Variants in BPIFB4 observed in about 807,000 individuals in gnomAD.
The protein encoded by BPIFB4 is BPI fold containing family B member 4.
A neutral mutation model predicts 69.2 loss-of-function variants in BPIFB4; 62 were observed. The observed-to-expected ratio is 0.90, with a 90% confidence interval of 0.73 to 1.11. The LOEUF (loss-of-function observed/expected upper bound fraction) is 1.11, where lower values mean the gene tolerates loss of function less well. BPIFB4 is among the 50% of genes least tolerant of loss of function. The probability of loss-of-function intolerance (pLI) is 0.00; values close to 1 mark genes in which losing one functional copy is unlikely to be tolerated. For missense variants in BPIFB4, 789 were observed against 792.0 expected (o/e 1.00, Z 0.04); for synonymous variants, 330 against 332.7 (o/e 0.99, Z 0.09).
At position 33,100,460 on chromosome 20, in the gene BPIFB4, G is replaced by A. The variant is rs1163905459; in HGVS notation, c.1604G>A (p.Gly535Glu). Reference protein sequence around the residue: ...TEFLASFSTEGDKLMIDAKLE... With the variant: ...TEFLASFSTEEDKLMIDAKLE... The stretch of plus-strand genomic sequence containing the variant: ...TTCTTGGCCTCATTTTCCACAGAAG[G>A]AGATAAGCTCATGATTGATGCCAAG... Residue 535 changes from glycine to glutamate, a missense_variant, in exon 14 of 18, where the codon GGA becomes GAA. Gly to Glu is a moderately conservative substitution (Grantham distance 98, BLOSUM62 -2). This residue lies in a region of BPIFB4 where 170 missense variants were observed against 193.6 expected (regional missense o/e 0.88). Transcript: ENST00000375483. The A allele has an allele frequency of 1.2e-6, 2 of 1,607,970 alleles. No individual in the cohort carries two copies. The highest frequency in any genetic ancestry group is 1.1e-5 in the South Asian group (1 of 90,930).
At chr20:33,094,734 C>T (rs1482423003) in intron 11 of BPIFB4, among the ~76,000 whole-genome samples, 1 of 152,190 alleles carries the variant, frequency 6.6e-6, no homozygotes, top group African/African-American at 2.4e-5. Flanking sequence ...TCTCAAACTC[C>T]TGATCTGAAG....
chr20:33,106,389 T>TTTTTC, intron 16 of BPIFB4, among the ~76,000 whole-genome samples: 1 of 150,672 alleles, frequency 6.6e-6, no homozygotes, highest in Non-Finnish European at 1.5e-5. Context: ...TTTTTTTTTT[T>TTTTTC]TGAGATGGAG....
In BPIFB4 at chr20:33,084,974, C is replaced by A. The variant is rs763890373; in HGVS notation, c.760C>A (p.Arg254Ser). 6.2e-7 allele frequency: 1 copy of A among 1,612,138 alleles called. No homozygotes were observed. The highest frequency in any genetic ancestry group is 1.7e-5 in the Admixed American group (1 of 60,022). The change falls in exon 6 of 18, where the codon CGT becomes AGT. Residue 254 changes from arginine to serine, a missense_variant. Transcript: ENST00000375483. ...GVGVYLSLYT[R>S]VAINGKSLIG... ...GGGTGTCTACCTGAGCTTGTACACCCGTGTGGCCATCAACGGGAAGAGGTG... is the reference window on the plus strand; with the variant it reads ...GGGTGTCTACCTGAGCTTGTACACCAGTGTGGCCATCAACGGGAAGAGGTG...
Position 33,083,360 on chromosome 20 carries a change from C to G in BPIFB4, c.170-7C>G. On this transcript the variant is annotated splice_region_variant and splice_polypyrimidine_tract_variant and intron_variant, in intron 4 of 17. Coordinates refer to ENST00000375483, the MANE Select transcript of BPIFB4 (RefSeq NM_182519.3). ...CAATGACTACAGACGCATTGAATTCCCCCGAGGTGTTGGTGATATTCCCTA... is the reference window on the plus strand; with the variant it reads ...CAATGACTACAGACGCATTGAATTCGCCCGAGGTGTTGGTGATATTCCCTA... The G allele has an allele frequency of 6.2e-7, 1 of 1,610,700 alleles. No individual in the cohort carries two copies. Among genetic ancestry groups the G allele is most frequent in the Non-Finnish European group, 8.5e-7 (1 of 1,177,770 alleles).
At chr20:33,107,563 G>A (rs1387403943) in intron 16 of BPIFB4, among the ~76,000 whole-genome samples, 181 bp from the exon 17 acceptor site, 1 of 152,196 alleles carries the variant, frequency 6.6e-6, no homozygotes, top group Non-Finnish European at 1.5e-5. Context: ...TTGAACCTGG[G>A]AGGTGGAGGT....
At chr20:33,098,235 A>G (rs1981811379) in intron 13 of BPIFB4, among the ~76,000 whole-genome samples, 1 of 152,054 alleles carries the variant, frequency 6.6e-6, no homozygotes, top group Non-Finnish European at 1.5e-5. Context: ...TATTATTCTC[A>G]CAGGTTGCCT....
At chr20:33,085,190 C>T (rs952952007) in intron 6 of BPIFB4, among the ~76,000 whole-genome samples, 194 bp downstream of exon 6, 1 of 152,004 alleles carries the variant, frequency 6.6e-6, no homozygotes, top group Admixed American at 6.5e-5. Context: ...AGTGGTGGCT[C>T]ATGCCTGTCA....
Position 33,089,482 on chromosome 20 carries a change from C to T in BPIFB4, c.991-16C>T, listed in dbSNP as rs763870671. The T allele has an allele frequency of 1.2e-6, 2 of 1,614,238 alleles. No homozygotes were observed. The highest frequency in any genetic ancestry group is 1.1e-5 in the South Asian group (1 of 91,088). ...CTGCAGCGTCAACAAGGCTTTGTGC[C>T]ATTTCTCCCCTGCAGCTCTGCCCCA... is the stretch of plus-strand genomic sequence containing the variant. On this transcript the variant is annotated splice_polypyrimidine_tract_variant and intron_variant, in intron 8 of 17. Coordinates refer to ENST00000375483, the MANE Select transcript of BPIFB4 (RefSeq NM_182519.3).
intron 14 of BPIFB4, among the ~76,000 whole-genome samples, chr20:33,102,399 C>T (rs1981931630): frequency 6.6e-6 from 1 of 152,224 alleles, no homozygotes; most frequent in African/African-American, 2.4e-5. Context: ...TCAGGTGCAG[C>T]AAGACGGAGG....
intron 4 of BPIFB4, 83 bp from the exon 5 acceptor site, chr20:33,083,284 G>C: frequency 2.5e-6 from 3 of 1,187,828 alleles, no homozygotes; most frequent in East Asian, 7.0e-5. Flanking sequence ...GTAGAGGGGG[G>C]CTGCTGGGTG....
intron 9 of BPIFB4, among the ~76,000 whole-genome samples, chr20:33,090,233 G>C (rs1447629612): frequency 6.6e-6 from 1 of 152,260 alleles, no homozygotes; most frequent in Non-Finnish European, 1.5e-5. Flanking sequence ...TAGGCAGTTT[G>C]AGAATGGCTT....
At chr20:33,099,260 T>A (rs145690862) in intron 13 of BPIFB4, among the ~76,000 whole-genome samples, 48 of 152,248 alleles carry the variant, frequency 3.2e-4, no homozygotes, top group African/African-American at 1.1e-3. Context: ...GGGAATTAGG[T>A]GCTCTAGGCT....
In BPIFB4 at chr20:33,095,148, C is replaced by T. The variant is rs1981721366; in HGVS notation, c.1393C>T (p.Pro465Ser). The T allele has an allele frequency of 6.2e-7, 1 of 1,609,358 alleles. No homozygotes were observed. Among genetic ancestry groups the T allele is most frequent in the Non-Finnish European group, 8.5e-7 (1 of 1,175,668 alleles). Residue 465 changes from proline to serine, a missense_variant, in exon 12 of 18, where the codon CCC (proline) becomes TCC (serine). Around this residue, in one of 3 missense-constraint regions of BPIFB4, gnomAD observed 170 missense variants for 193.6 expected, o/e 0.88. Coordinates refer to ENST00000375483, the MANE Select transcript of BPIFB4 (RefSeq NM_182519.3). The stretch of plus-strand genomic sequence containing the variant: ...CACAGCCACACTGGGAGCCCTGATC[C>T]CCAAGGTATGTAAGGTGGGCAGGTC... ...LTTATLGALIPKVFQQYPESC... is the reference protein window; with the variant it reads ...LTTATLGALISKVFQQYPESC...
At chr20:33,081,467 T>G (rs1600550914) in intron 2 of BPIFB4, 45 bp from the exon 3 acceptor site, 2 of 1,541,174 alleles carry the variant, frequency 1.3e-6, no homozygotes. Flanking sequence ...CTGGCCAGGG[T>G]GGTGGCGCCC....
intron 1 of BPIFB4, among the ~76,000 whole-genome samples, chr20:33,080,143 A>G (rs952354364): frequency 2.0e-5 from 3 of 152,200 alleles, no homozygotes; most frequent in Admixed American, 6.5e-5. Flanking sequence ...GTGTAAATGA[A>G]TGCCTCTAAT....
In BPIFB4 at chr20:33,089,561, A is replaced by G. The variant is rs1981536789; in HGVS notation, c.1051+3A>G. 2 of 1,614,188 alleles carry G rather than the reference A, an allele frequency of 1.2e-6. No homozygotes were observed. The highest frequency in any genetic ancestry group is 1.3e-5 in the African/African-American group (1 of 75,040). ...TGACCAGCTGGGCCTCGTGGATTGTAAGTCCAATACACTTTCTCCAGCCTG... is the reference window on the plus strand; with the variant it reads ...TGACCAGCTGGGCCTCGTGGATTGTGAGTCCAATACACTTTCTCCAGCCTG... On this transcript the variant is annotated splice_donor_region_variant and intron_variant, in intron 9 of 17. Coordinates refer to ENST00000375483, the MANE Select transcript of BPIFB4 (RefSeq NM_182519.3).
At chr20:33,104,963 C>A (rs1308952814) in intron 16 of BPIFB4, 90 bp downstream of exon 16, 5 of 1,312,864 alleles carry the variant, frequency 3.8e-6, no homozygotes, top group Non-Finnish European at 5.4e-6. Flanking sequence ...GTGCATCTAT[C>A]CTACCTCAAT....
chr20:33,081,484 A>G, intron 2 of BPIFB4, 28 bp from the exon 3 acceptor site: 1 of 1,550,074 alleles, frequency 6.5e-7, no homozygotes, highest in Non-Finnish European at 8.7e-7. Flanking sequence ...GCCCAGCCAC[A>G]TCTGCATCTG....
In BPIFB4 at chr20:33,086,051, A is replaced by T; in HGVS notation, c.813A>T (p.Glu271Asp). The change falls in exon 7 of 18, where the codon GAA becomes GAT. Residue 271 changes from glutamate to aspartate, a missense_variant. Glu to Asp is a conservative substitution (Grantham distance 45). This residue lies in a region of BPIFB4 where 611 missense variants were observed against 575.4 expected (regional missense o/e 1.06). Coordinates refer to ENST00000375483, the MANE Select transcript of BPIFB4 (RefSeq NM_182519.3). Reference protein sequence around the residue: ...SLIGFLDIAVEVNITAKVRLT... With the variant: ...SLIGFLDIAVDVNITAKVRLT... ...TTGGCTTCCTGGACATCGCAGTAGA[A>T]GTGAACATCACAGCCAAGGTCCGGC... is the stretch of plus-strand genomic sequence containing the variant. 6.2e-7 allele frequency: 1 copy of T among 1,613,016 alleles called. No individual in the cohort carries two copies. Among genetic ancestry groups the T allele is most frequent in the Non-Finnish European group, 8.5e-7 (1 of 1,179,098 alleles).
Sources: gnomAD v4.1 joint callset for allele counts (sites outside exome capture counted in the v4.1 genomes callset) on GRCh38, gnomAD v4.1.1 for gene constraint, gnomAD v4.1.1 regional missense constraint, MANE v1.5 for transcripts, NCBI Gene and HGNC (gene_info 2026-07-23, HGNC 2026-07-21) for gene names.